The following U2SURP variants were observed in gnomAD, a reference collection of about 807,000 sequenced individuals.
U2SURP encodes U2 snRNP associated SURP domain containing.
Under a neutral mutation model 144.9 loss-of-function variants are expected in U2SURP, and 9 were observed. The ratio of observed to expected loss-of-function variants is 0.06; its 90% CI spans 0.04 to 0.11. U2SURP has a LOEUF of 0.11. Ranked by LOEUF, U2SURP falls within the 10% of genes least tolerant of loss-of-function variation. U2SURP has a pLI of 1.00. For missense variants in U2SURP, 724 were observed against 1,226.7 expected (o/e 0.59, Z 6.12); for synonymous variants, 408 against 396.8 (o/e 1.03, Z -0.33).
rs574734023 is a variant in U2SURP, at chr3:143,016,811, T to A, written c.437-31T>A. The A allele has an allele frequency of 8.7e-5, 130 of 1,492,130 alleles. 2 individuals carry two copies. In the South Asian group the frequency reaches 1.7e-3, roughly 20 times the overall value. The allele number at this position is 1,492,130 out of a possible 1,614,324, so 92.4% of individuals were successfully genotyped here. On this transcript the variant is annotated intron_variant, in intron 5 of 27. Coordinates refer to ENST00000473835, the MANE Select transcript of U2SURP (RefSeq NM_001080415.2). The stretch of plus-strand genomic sequence containing the variant: ...ACAGTAAAGAAAAATATTGCGAAAT[T>A]AGTTTTGAAACTTAGTATTTTAAAT...
At chr3:143,051,982 A>G (rs1198189920) in intron 25 of U2SURP, among the ~76,000 whole-genome samples, 1 of 152,222 alleles carries the variant, frequency 6.6e-6, no homozygotes, top group East Asian at 1.9e-4. Flanking sequence ...TTCATTATCA[A>G]TCAGGAGAAT....
intron 20 of U2SURP, chr3:143,036,828 C>T (rs1157793204): frequency 5.0e-6 from 1 of 198,684 alleles, no homozygotes; most frequent in African/African-American, 2.3e-5. Flanking sequence ...TAGCAGTTAC[C>T]ATAGTTACAG....
chr3:143,056,146 CTGTG>C (rs140465500), intron 27 of U2SURP, among the ~76,000 whole-genome samples, 162 bp from the exon 28 acceptor site: 3 of 151,434 alleles, frequency 2.0e-5, no homozygotes, highest in African/African-American at 4.8e-5. Flanking sequence ...ACAAAATAAT[CTGTG>C]TGTGTGTGTG....
chr3:143,047,113 A>C (rs1934529335), intron 24 of U2SURP, among the ~76,000 whole-genome samples: 1 of 91,520 alleles, frequency 1.1e-5, no homozygotes, highest in African/African-American at 5.3e-5. Flanking sequence ...ACTTCCCAGT[A>C]GGGGCGGCCG....
intron 23 of U2SURP, among the ~76,000 whole-genome samples, chr3:143,041,849 G>T (rs1041228290): frequency 6.6e-6 from 1 of 151,878 alleles, no homozygotes; most frequent in Non-Finnish European, 1.5e-5. Context: ...TCTGGGTTAT[G>T]CCAGTAATGT....
At chr3:143,020,813 A>G (rs1372195828) in intron 8 of U2SURP, 120 bp downstream of exon 8, 12 of 698,314 alleles carry the variant, frequency 1.7e-5, no homozygotes, top group South Asian at 4.0e-5. Flanking sequence ...GATATATACT[A>G]TCCTTTTCCT....
In U2SURP at chr3:143,043,177, T is replaced by C. The variant is rs201514391; in HGVS notation, c.2445T>C (p.His815=). Residue 815 remains histidine, a synonymous_variant, in exon 24 of 28, where the codon CAT becomes CAC. Coordinates refer to ENST00000473835, the MANE Select transcript of U2SURP (RefSeq NM_001080415.2). ...AAAGTTCCAAATCTGAAGAACATCA[T>C]TTGTACTCTAATCCAATCAAAGAAG... The part of the protein sequence containing the change: ...DTQSSKSEEH[H]LYSNPIKEEM... 71 of 1,604,324 alleles carry C rather than the reference T, an allele frequency of 4.4e-5. No individual in the cohort carries two copies. Among genetic ancestry groups the C allele is most frequent in the East Asian group, 2.2e-4 (10 of 44,740 alleles).
intron 16 of U2SURP, among the ~76,000 whole-genome samples, chr3:143,030,648 T>C (rs1454330174): frequency 6.6e-6 from 1 of 152,198 alleles, no homozygotes; most frequent in Non-Finnish European, 1.5e-5. Context: ...ATTTAAGAAA[T>C]ATATTTCATA....
At chr3:143,032,747 A>G in intron 16 of U2SURP, 37 bp from the exon 17 acceptor site, 1 of 1,549,686 alleles carries the variant, frequency 6.5e-7, no homozygotes, top group Non-Finnish European at 8.8e-7. Flanking sequence ...TTGAAATTGT[A>G]TCTAAATATT....
chr3:143,045,691 C>T (rs925689271), intron 24 of U2SURP, among the ~76,000 whole-genome samples: 1 of 152,202 alleles, frequency 6.6e-6, no homozygotes. Context: ...CTTTTGTAAT[C>T]TGGCCTGTCC....
intron 24 of U2SURP, among the ~76,000 whole-genome samples, chr3:143,050,231 G>C (rs1430489091): frequency 6.6e-6 from 1 of 152,060 alleles, no homozygotes; most frequent in Non-Finnish European, 1.5e-5. Flanking sequence ...GTGCCACCAT[G>C]CCTGGCTAAT....
chr3:143,050,720 A>G (rs1037538809), intron 24 of U2SURP, among the ~76,000 whole-genome samples: 1 of 152,316 alleles, frequency 6.6e-6, no homozygotes, highest in South Asian at 2.1e-4. Context: ...GCCATGAAGC[A>G]CGGTTCACGG....
chr3:143,010,928 A>G (rs1936090849), intron 2 of U2SURP, 69 bp downstream of exon 2: 2 of 1,158,174 alleles, frequency 1.7e-6, no homozygotes, highest in East Asian at 2.5e-5. Context: ...GTATCCCTAC[A>G]TCAATGATTT....
intron 24 of U2SURP, among the ~76,000 whole-genome samples, 161 bp downstream of exon 24, chr3:143,043,437 C>T (rs947761721): frequency 2.0e-5 from 3 of 152,126 alleles, no homozygotes; most frequent in Non-Finnish European, 2.9e-5. Flanking sequence ...TTAGTTCAAC[C>T]GTCTGTTCAC....
intron 6 of U2SURP, among the ~76,000 whole-genome samples, chr3:143,017,942 C>G (rs1239957856): frequency 1.3e-5 from 2 of 151,146 alleles, no homozygotes. Context: ...ATACAGTTGA[C>G]TAGGTGCAGT....
chr3:143,001,737 CT>C (rs1477305842), intron 1 of U2SURP, 64 bp downstream of exon 1: 17 of 1,596,860 alleles, frequency 1.1e-5, no homozygotes, highest in Non-Finnish European at 1.3e-5. Context: ...CCCACAGACG[CT>C]TCTGGCCTGT....
intron 24 of U2SURP, among the ~76,000 whole-genome samples, chr3:143,043,717 GTATATA>G (rs5853088): frequency 2.2e-4 from 32 of 147,334 alleles, no homozygotes; most frequent in Admixed American, 3.4e-4. Context: ...TAGATTATAT[GTATATA>G]TATATATATA....
At position 143,032,700 on chromosome 3, in the gene U2SURP, A is replaced by G; in HGVS notation, c.1611-84A>G. ...GAATTATTTTATGTGAGTAGGTTTTAAAGAAATTAGTTTGTGAGCAAAAGC... is the reference window on the plus strand; with the variant it reads ...GAATTATTTTATGTGAGTAGGTTTTGAAGAAATTAGTTTGTGAGCAAAAGC... On this transcript the variant is annotated intron_variant, in intron 16 of 27. Transcript: ENST00000473835. The G allele has an allele frequency of 7.1e-6, 9 of 1,263,494 alleles. No individual in the cohort carries two copies. In the South Asian group the frequency reaches 1.0e-4, roughly 14 times the overall value. The allele number at this position is 1,263,494 out of a possible 1,614,324, so 78.3% of individuals were successfully genotyped here.
chr3:143,053,884 T>G (rs1935014167), intron 26 of U2SURP, 90 bp downstream of exon 26: 27 of 1,082,518 alleles, frequency 2.5e-5, no homozygotes, highest in Non-Finnish European at 3.3e-5. Context: ...GCCCGCAAAC[T>G]GGAAGTGTTT....
Sources: allele counts gnomAD v4.1 joint callset (sites outside exome capture counted in the v4.1 genomes callset), GRCh38; gene constraint gnomAD v4.1.1; transcripts MANE v1.5; gene names NCBI Gene and HGNC (gene_info 2026-07-23, HGNC 2026-07-21).